RALY: variants seen among roughly 807,000 people sequenced by gnomAD.
The protein encoded by RALY is RALY heterogeneous nuclear ribonucleoprotein.
RALY carries 15 observed loss-of-function variants against 30.7 expected under a neutral mutation model. That is an observed-to-expected ratio of 0.49 (90% confidence interval 0.33 to 0.75). RALY has a LOEUF of 0.75. RALY is among the 30% of genes least tolerant of loss of function. The pLI is 0.02. For synonymous variants in RALY, 177 were observed against 170.8 expected, an observed-to-expected ratio of 1.04 and a Z score of -0.28; for missense variants, 339 against 414.3, an observed-to-expected ratio of 0.82 and a Z score of 1.58.
At chr20:34,006,701 A>G (rs995355437) in intron 1 of RALY, among the ~76,000 whole-genome samples, 1 of 152,212 alleles carries the variant, frequency 6.6e-6, no homozygotes, top group Non-Finnish European at 1.5e-5. Context: ...AGTTGCCTAC[A>G]GTATTCAACA....
chr20:34,044,322 C>T (rs373208084), intron 2 of RALY, among the ~76,000 whole-genome samples: 14 of 150,774 alleles, frequency 9.3e-5, no homozygotes, highest in Admixed American at 5.9e-4. Context: ...TTGGTATGTG[C>T]GTTACTTTTT....
At chr20:34,002,914 A>G (rs1012538996) in intron 1 of RALY, among the ~76,000 whole-genome samples, 1 of 152,212 alleles carries the variant, frequency 6.6e-6, no homozygotes, top group African/African-American at 2.4e-5. Flanking sequence ...TCTATTTTGT[A>G]TGCAGGTGGA....
intron 2 of RALY, among the ~76,000 whole-genome samples, chr20:34,059,347 A>C (rs1286649371): frequency 1.3e-5 from 2 of 152,148 alleles, no homozygotes; most frequent in Non-Finnish European, 2.9e-5. Flanking sequence ...TGAATTGTGC[A>C]CCATCCAGCC....
intron 2 of RALY, among the ~76,000 whole-genome samples, chr20:34,048,855 A>G (rs1440324915): frequency 6.7e-6 from 1 of 150,304 alleles, no homozygotes; most frequent in Non-Finnish European, 1.5e-5. Context: ...CTCCGTCTCA[A>G]AAAAAAAAAA....
At chr20:34,022,124 C>T (rs1157456858) in intron 1 of RALY, among the ~76,000 whole-genome samples, 1 of 146,400 alleles carries the variant, frequency 6.8e-6, no homozygotes, top group Non-Finnish European at 1.5e-5. Flanking sequence ...AAGACAATGT[C>T]TCACTTGGCT....
At chr20:34,018,728 C>G (rs903137209) in intron 1 of RALY, among the ~76,000 whole-genome samples, 1 of 152,126 alleles carries the variant, frequency 6.6e-6, no homozygotes, top group African/African-American at 2.4e-5. Flanking sequence ...CCACAAATGC[C>G]CCAAGGTAGG....
intron 1 of RALY, among the ~76,000 whole-genome samples, chr20:34,018,806 G>A (rs528498187): frequency 1.8e-4 from 27 of 152,264 alleles, no homozygotes; most frequent in African/African-American, 6.3e-4. Flanking sequence ...CTTTGCATCC[G>A]GAGATGGAGC....
intron 1 of RALY, among the ~76,000 whole-genome samples, chr20:34,007,226 A>G (rs2031198279): frequency 6.6e-6 from 1 of 152,160 alleles, no homozygotes; most frequent in Non-Finnish European, 1.5e-5. Flanking sequence ...GAGCTTAGGC[A>G]AATCATTTTA....
intron 2 of RALY, among the ~76,000 whole-genome samples, chr20:34,069,990 C>T (rs1568693679): frequency 6.6e-6 from 1 of 152,196 alleles, no homozygotes; most frequent in Admixed American, 6.5e-5. Flanking sequence ...GTTGGGCTCA[C>T]GTCCAGCCTA....
At chr20:34,027,075 G>A (rs918479724) in intron 1 of RALY, among the ~76,000 whole-genome samples, 18 of 152,082 alleles carry the variant, frequency 1.2e-4, no homozygotes, top group African/African-American at 3.9e-4. Context: ...ACAATCTTAC[G>A]GAGAAGACAT....
chr20:34,068,432 C>T (rs753850042), intron 2 of RALY, among the ~76,000 whole-genome samples: 30 of 152,130 alleles, frequency 2.0e-4, no homozygotes, highest in Non-Finnish European at 3.8e-4. Context: ...GGGACCTCTG[C>T]CCTAGTGGTC....
intron 1 of RALY, among the ~76,000 whole-genome samples, chr20:34,006,376 TC>T (rs1471401955): frequency 1.3e-5 from 2 of 152,228 alleles, no homozygotes; most frequent in Admixed American, 1.3e-4. Context: ...GCCATTACCA[TC>T]TTTATAAAGT....
chr20:34,053,415 T>TTTG (rs56775226), intron 2 of RALY, among the ~76,000 whole-genome samples: 1 of 124,354 alleles, frequency 8.0e-6, no homozygotes, highest in African/African-American at 3.0e-5. Flanking sequence ...TTTTTTTTTT[T>TTTG]GAGACAAGGC....
At chr20:34,052,778 GCCCACAGTC>G (rs905701414) in intron 2 of RALY, among the ~76,000 whole-genome samples, 1 of 152,076 alleles carries the variant, frequency 6.6e-6, no homozygotes, top group African/African-American at 2.4e-5. Context: ...CATCCAGTAG[GCCCACAGTC>G]CCCACAGTCC....
At chr20:33,997,032 T>A (rs2030666961) in intron 1 of RALY, among the ~76,000 whole-genome samples, 1 of 152,160 alleles carries the variant, frequency 6.6e-6, no homozygotes, top group South Asian at 2.1e-4. Context: ...AAGACCTACT[T>A]TTCTCCCCCT....
rs183044326 is a variant in RALY at position 34,066,930 on chromosome 20, G to A, written c.-9-5136G>A. Among the ~76,000 whole-genome samples, 170 of 152,308 alleles carry A rather than the reference G, an allele frequency of 1.1e-3. 1 individual carries two copies. The highest frequency in any genetic ancestry group is 3.9e-3 in the African/African-American group (162 of 41,564). Reference sequence around the variant, plus strand: ...AGAAAAGGGAAAGGGTGAGGACCAAGGAGAGCGTGTGTGGCTGACTCAAGG... The same window carrying A: ...AGAAAAGGGAAAGGGTGAGGACCAAAGAGAGCGTGTGTGGCTGACTCAAGG... On this transcript the variant is annotated intron_variant, in intron 2 of 9. Coordinates refer to ENST00000246194, the MANE Select transcript of RALY (RefSeq NM_016732.3).
chr20:34,012,503 C>T (rs1445837650), intron 1 of RALY, among the ~76,000 whole-genome samples: 1 of 152,006 alleles, frequency 6.6e-6, no homozygotes, highest in Non-Finnish European at 1.5e-5. Context: ...CCCTACTTAC[C>T]CTTTCTTCTG....
At chr20:33,994,540 C>G (rs2030500416) in intron 1 of RALY, among the ~76,000 whole-genome samples, 1 of 152,222 alleles carries the variant, frequency 6.6e-6, no homozygotes, top group African/African-American at 2.4e-5. Flanking sequence ...GGCCCGGCCG[C>G]GGCTGCTTCC....
chr20:34,044,093 T>A (rs1220883924), intron 2 of RALY, among the ~76,000 whole-genome samples: 3 of 152,112 alleles, frequency 2.0e-5, no homozygotes, highest in Non-Finnish European at 4.4e-5. Flanking sequence ...TGTGGGTGTT[T>A]CAGAGAAGGG....
Sources: allele counts gnomAD v4.1 joint callset (sites outside exome capture counted in the v4.1 genomes callset), GRCh38; gene constraint gnomAD v4.1.1; transcripts MANE v1.5; gene names NCBI Gene and HGNC (gene_info 2026-07-23, HGNC 2026-07-21).